HS6ST1: variants seen among roughly 807,000 people sequenced by gnomAD.
HS6ST1 encodes the protein heparan-sulfate 6-O-sulfotransferase 1.
HS6ST1 carries 3 observed loss-of-function variants against 25.2 expected under a neutral mutation model. That is an observed-to-expected ratio of 0.12 (90% CI 0.05 to 0.31). The LOEUF (loss-of-function observed/expected upper bound fraction) is 0.31. HS6ST1 is among the 10% of genes least tolerant of loss of function. The pLI is 1.00. For missense variants in HS6ST1, 310 were observed against 609.6 expected, an observed-to-expected ratio of 0.51 and a Z score of 5.18; for synonymous variants, 204 against 275.1, an observed-to-expected ratio of 0.74 and a Z score of 2.56.
At position 128,318,578 on chromosome 2, in the gene HS6ST1, G is replaced by T; in HGVS notation, c.-15C>A. The T allele has an allele frequency of 7.2e-7, 1 of 1,397,136 alleles. No individual in the cohort carries two copies. The allele number at this position is 1,397,136 out of a possible 1,614,324, so 86.5% of individuals were successfully genotyped here. A position where few individuals can be genotyped will look rare whatever the true frequency, so the allele number is the denominator to read the frequency against. On this transcript the variant is annotated 5_prime_UTR_variant, in exon 1 of 2. Transcript: ENST00000259241. This position sits in a 1 kb window ranked among gnomAD's most constrained non-coding sequence, Gnocchi z 5.7. ...CGCCGCCGCATGTGTCACCATCGCC[G>T]GGGCCCGGGCGCGGGGCGCGGGGCC...
chr2:128,273,461 G>A (rs1474707678), intron 1 of HS6ST1, among the ~76,000 whole-genome samples: 3 of 152,214 alleles, frequency 2.0e-5, no homozygotes, highest in Admixed American at 6.5e-5. Context: ...CTTGGCCACC[G>A]TCCAGTTCCT....
chr2:128,294,741 G>T (rs970158086), intron 1 of HS6ST1, among the ~76,000 whole-genome samples: 1 of 149,812 alleles, frequency 6.7e-6, no homozygotes, highest in African/African-American at 2.5e-5. Flanking sequence ...AGAGGTCTTC[G>T]GACCACCCTC....
chr2:128,310,155 C>T (rs895196760), intron 1 of HS6ST1, among the ~76,000 whole-genome samples: 1 of 152,166 alleles, frequency 6.6e-6, no homozygotes, highest in African/African-American at 2.4e-5. Context: ...GCCCACCCAA[C>T]ACACAGCCCA....
At chr2:128,303,305 T>C (rs1573706400) in intron 1 of HS6ST1, among the ~76,000 whole-genome samples, 1 of 152,206 alleles carries the variant, frequency 6.6e-6, no homozygotes, top group Non-Finnish European at 1.5e-5. Context: ...CACGGGGCCA[T>C]GCAGAGGAGC....
intron 1 of HS6ST1, among the ~76,000 whole-genome samples, chr2:128,285,631 C>T (rs981080409): frequency 1.3e-5 from 2 of 152,140 alleles, no homozygotes; most frequent in South Asian, 4.1e-4. Context: ...CAGTGAGGCT[C>T]GAGGAAAGGC....
intron 1 of HS6ST1, among the ~76,000 whole-genome samples, chr2:128,301,773 A>T (rs556118431): frequency 5.1e-3 from 770 of 152,254 alleles, no homozygotes; most frequent in Non-Finnish European, 8.2e-3. Flanking sequence ...TGAAGCCTGC[A>T]GCTGATCCTG....
chr2:128,300,456 G>A (rs529906564), intron 1 of HS6ST1, among the ~76,000 whole-genome samples: 2 of 152,222 alleles, frequency 1.3e-5, no homozygotes, highest in Non-Finnish European at 2.9e-5. Context: ...CGTCAAGGGG[G>A]CCGTGTGTTC....
At chr2:128,317,526 C>T (rs935987586) in intron 1 of HS6ST1, among the ~76,000 whole-genome samples, 2 of 152,226 alleles carry the variant, frequency 1.3e-5, no homozygotes, top group Non-Finnish European at 2.9e-5. Context: ...CAGAGCCAGC[C>T]CCCTTCCCTG....
Position 128,272,772 on chromosome 2 carries a change from T to C in HS6ST1, c.528-3902A>G, listed in dbSNP as rs371674378. The stretch of plus-strand genomic sequence containing the variant: ...CGTGAGCAATTTACTCTTTGGTTTC[T>C]GAAAAAGCTGGGAGGGTGAGCTGCT... On this transcript the variant is annotated intron_variant, in intron 1 of 1. Coordinates refer to ENST00000259241, the MANE Select transcript of HS6ST1 (RefSeq NM_004807.3). Among the ~76,000 whole-genome samples, 149 of 152,302 alleles carry C rather than the reference T, an allele frequency of 9.8e-4. 1 individual carries two copies. The highest frequency in any genetic ancestry group is 3.5e-3 in the African/African-American group (144 of 41,568).
At chr2:128,311,855 G>C (rs1220093689) in intron 1 of HS6ST1, among the ~76,000 whole-genome samples, 2 of 152,188 alleles carry the variant, frequency 1.3e-5, no homozygotes, top group Admixed American at 1.3e-4. Flanking sequence ...AGGACCAGAG[G>C]AGTACCTGAA....
At chr2:128,268,915 G>A in intron 1 of HS6ST1, 45 bp from the exon 2 acceptor site, 1 of 1,523,580 alleles carries the variant, frequency 6.6e-7, no homozygotes, top group Non-Finnish European at 9.0e-7. Flanking sequence ...GACGCAGCAT[G>A]AGGGGGGCTA....
chr2:128,287,272 TA>T (rs1351410957), intron 1 of HS6ST1, among the ~76,000 whole-genome samples: 1 of 152,078 alleles, frequency 6.6e-6, no homozygotes. Context: ...TCAGTGGATA[TA>T]TCCAGGGCCC....
intron 1 of HS6ST1, among the ~76,000 whole-genome samples, chr2:128,277,128 G>C (rs989722007): frequency 6.6e-6 from 1 of 152,158 alleles, no homozygotes; most frequent in African/African-American, 2.4e-5. Context: ...GAGTGCCTTG[G>C]GGATGCAAAC....
At chr2:128,296,146 C>A (rs1288883051) in intron 1 of HS6ST1, among the ~76,000 whole-genome samples, 4 of 152,214 alleles carry the variant, frequency 2.6e-5, no homozygotes, top group African/African-American at 9.6e-5. Context: ...GGACTTGGGT[C>A]TCAAGAACTG....
intron 1 of HS6ST1, 106 bp downstream of exon 1, chr2:128,317,931 G>A: frequency 1.5e-6 from 2 of 1,291,354 alleles, no homozygotes; most frequent in Non-Finnish European, 2.0e-6. Flanking sequence ...CCCCAAGAGG[G>A]CAGAAGGGGG....
chr2:128,315,481 T>A (rs1184114317), intron 1 of HS6ST1, among the ~76,000 whole-genome samples: 1 of 151,522 alleles, frequency 6.6e-6, no homozygotes, highest in African/African-American at 2.4e-5. Context: ...CAGGCAGAGA[T>A]AGAAGGAAAA....
chr2:128,300,655 C>T (rs1044476830), intron 1 of HS6ST1, among the ~76,000 whole-genome samples: 7 of 152,154 alleles, frequency 4.6e-5, no homozygotes, highest in Middle Eastern at 3.2e-3. Flanking sequence ...GCAGGGTGGG[C>T]GGACCACCTT....
intron 1 of HS6ST1, among the ~76,000 whole-genome samples, chr2:128,292,398 G>A (rs1693970275): frequency 6.6e-6 from 1 of 152,236 alleles, no homozygotes; most frequent in Non-Finnish European, 1.5e-5. Flanking sequence ...CCTTCTCAGG[G>A]CAGGGACGCC....
chr2:128,268,153 C>T lies in HS6ST1; in HGVS notation c.*9G>A, dbSNP rs1693551801. On this transcript the variant is annotated 3_prime_UTR_variant, in exon 2 of 2. Coordinates refer to ENST00000259241, the MANE Select transcript of HS6ST1 (RefSeq NM_004807.3). ...CCCCCAAGAGGCCTCCCCGTGGCCACCACCGCCACTACCACTTCTCAATGA... is the reference window on the plus strand; with the variant it reads ...CCCCCAAGAGGCCTCCCCGTGGCCATCACCGCCACTACCACTTCTCAATGA... 6.3e-7 allele frequency: 1 copy of T among 1,593,278 alleles called. No individual in the cohort carries two copies. The highest frequency in any genetic ancestry group is 8.6e-7 in the Non-Finnish European group (1 of 1,168,884).
Sources: gnomAD v4.1 joint callset for allele counts (sites outside exome capture counted in the v4.1 genomes callset) on GRCh38, gnomAD v4.1.1 for gene constraint, Gnocchi (gnomAD v3.1) non-coding constraint, MANE v1.5 for transcripts, NCBI Gene and HGNC (gene_info 2026-07-23, HGNC 2026-07-21) for gene names.